Variants in RPS6KC1 observed in about 807,000 individuals in gnomAD.
The protein encoded by RPS6KC1 is inactive ribosomal protein S6 kinase delta-1.
Under a neutral mutation model 103.8 loss-of-function variants are expected in RPS6KC1, and 54 were observed. The ratio of observed to expected loss-of-function variants is 0.52; its 90% confidence interval spans 0.42 to 0.65. The LOEUF (loss-of-function observed/expected upper bound fraction) is 0.65, where lower values mean the gene tolerates loss of function less well. Ranked by LOEUF, RPS6KC1 falls within the 30% of genes least tolerant of loss-of-function variation. The pLI is 0.00. For synonymous variants in RPS6KC1, 439 were observed against 438.7 expected (o/e 1.00, Z -0.01); for missense variants, 1,151 against 1,253.8 (o/e 0.92, Z 1.24).
intron 8 of RPS6KC1, among the ~76,000 whole-genome samples, chr1:213,229,372 G>A (rs1270559793): frequency 6.6e-6 from 1 of 150,768 alleles, no homozygotes; most frequent in Non-Finnish European, 1.5e-5. Context: ...ACCCAGTGGT[G>A]GGCTGGTAAA....
At chr1:213,289,941 A>C in the RPS6KC1 span, among the ~76,000 whole-genome samples, 16 of 152,048 alleles carry the variant, frequency 1.1e-4, no homozygotes, top group Middle Eastern at 3.2e-3. Flanking sequence ...CGGGAGGCTG[A>C]GGCAGGAGAA....
At chr1:213,147,886 T>C (rs996479777) in intron 6 of RPS6KC1, among the ~76,000 whole-genome samples, 21 of 152,336 alleles carry the variant, frequency 1.4e-4, no homozygotes, top group African/African-American at 5.0e-4. Context: ...CAGTGTTTTA[T>C]AGTTTTCATT....
the RPS6KC1 span, among the ~76,000 whole-genome samples, chr1:213,456,045 G>A: frequency 0.39 from 59,400 of 151,886 alleles, 13,500 homozygotes; most frequent in East Asian, 0.57. Context: ...CACCTGCTTC[G>A]GTGAACCCAG....
chr1:213,253,551 A>G (rs2149039548), intron 12 of RPS6KC1, among the ~76,000 whole-genome samples: 1 of 152,296 alleles, frequency 6.6e-6, no homozygotes, highest in East Asian at 1.9e-4. Flanking sequence ...TAGTTTTCTC[A>G]ATTTTCGATT....
At chr1:213,203,734 A>C (rs548641847) in intron 8 of RPS6KC1, among the ~76,000 whole-genome samples, 1 of 152,252 alleles carries the variant, frequency 6.6e-6, no homozygotes, top group Admixed American at 6.5e-5. Context: ...CCTACTGAGA[A>C]TTATTTTTAC....
chr1:213,630,532 C>A, the RPS6KC1 span, among the ~76,000 whole-genome samples: 1 of 152,098 alleles, frequency 6.6e-6, no homozygotes, highest in African/African-American at 2.4e-5. Flanking sequence ...GAACTTCCTC[C>A]TTTAGCTCGG....
chr1:213,607,787 C>T, the RPS6KC1 span, among the ~76,000 whole-genome samples: 13 of 151,532 alleles, frequency 8.6e-5, no homozygotes, highest in African/African-American at 1.9e-4. Context: ...GTGTTGAGTG[C>T]GTGTTGGGGA....
At chr1:213,682,136 T>C in the RPS6KC1 span, among the ~76,000 whole-genome samples, 2 of 152,210 alleles carry the variant, frequency 1.3e-5, no homozygotes, top group Non-Finnish European at 2.9e-5. Flanking sequence ...AACGCCTCAG[T>C]GAACACTTCA....
the RPS6KC1 span, among the ~76,000 whole-genome samples, chr1:213,434,882 G>A: frequency 6.6e-6 from 1 of 151,676 alleles, no homozygotes; most frequent in Admixed American, 6.6e-5. Flanking sequence ...GTTTCTTTTT[G>A]TGGGGCTAGT....
intron 6 of RPS6KC1, among the ~76,000 whole-genome samples, chr1:213,131,154 C>T (rs1042024594): frequency 2.0e-5 from 3 of 151,920 alleles, no homozygotes; most frequent in Admixed American, 6.6e-5. Context: ...GATCAAACAG[C>T]GATTAATGTT....
intron 8 of RPS6KC1, among the ~76,000 whole-genome samples, chr1:213,223,020 G>T (rs1226934796): frequency 2.6e-5 from 4 of 152,082 alleles, no homozygotes; most frequent in Non-Finnish European, 4.4e-5. Context: ...TTGCAAAATC[G>T]GTCTAGTACT....
chr1:213,419,505 A>G, the RPS6KC1 span, among the ~76,000 whole-genome samples: 1 of 152,200 alleles, frequency 6.6e-6, no homozygotes, highest in African/African-American at 2.4e-5. Context: ...TGAGAGGCAG[A>G]GAGGTTAAGT....
At chr1:213,523,674 A>T in the RPS6KC1 span, among the ~76,000 whole-genome samples, 1 of 152,120 alleles carries the variant, frequency 6.6e-6, no homozygotes, top group Non-Finnish European at 1.5e-5. Flanking sequence ...TTGGTTTCAA[A>T]GTTTAGTGGG....
chr1:213,273,911 A>G lies in RPS6KC1; in HGVS notation c.*1277A>G, dbSNP rs1388187853. 1 of 152,084 alleles carries G rather than the reference A, an allele frequency of 6.6e-6. No homozygotes were observed. Among genetic ancestry groups the G allele is most frequent in the Non-Finnish European group, 1.5e-5 (1 of 68,020 alleles). 9.4% of individuals were successfully genotyped at this position (152,084 alleles called of 1,614,324 possible). ...CCACCAGAAATAATTGAAATTTTTG[A>G]TATGTTCTAATCTTCTTTGCATTTT... On this transcript the variant is annotated 3_prime_UTR_variant, in exon 15 of 15. Coordinates refer to ENST00000366960, the MANE Select transcript of RPS6KC1 (RefSeq NM_012424.6).
At chr1:213,438,993 A>C in the RPS6KC1 span, among the ~76,000 whole-genome samples, 1 of 151,818 alleles carries the variant, frequency 6.6e-6, no homozygotes, top group Non-Finnish European at 1.5e-5. Context: ...ACGGGGTTTC[A>C]CCATGTTAGC....
At chr1:213,301,274 G>A in the RPS6KC1 span, among the ~76,000 whole-genome samples, 1 of 152,222 alleles carries the variant, frequency 6.6e-6, no homozygotes, top group Admixed American at 6.5e-5. Context: ...CCCACCAGAA[G>A]GAATGTCAAG....
At chr1:213,778,926 G>T in the RPS6KC1 span, among the ~76,000 whole-genome samples, 1 of 152,066 alleles carries the variant, frequency 6.6e-6, no homozygotes, top group African/African-American at 2.4e-5. Flanking sequence ...ACTTTGTTAA[G>T]GGCTCCTGAG....
At chr1:213,244,135 A>G (rs2094413180) in intron 12 of RPS6KC1, among the ~76,000 whole-genome samples, 1 of 151,914 alleles carries the variant, frequency 6.6e-6, no homozygotes, top group Non-Finnish European at 1.5e-5. Context: ...TATGTTTTGA[A>G]ATCATGTTAG....
chr1:213,498,743 C>A, the RPS6KC1 span, among the ~76,000 whole-genome samples: 1 of 148,456 alleles, frequency 6.7e-6, no homozygotes, highest in Non-Finnish European at 1.5e-5. Flanking sequence ...CATGAGCCAC[C>A]GTGCCCGGCC....
Sources: gnomAD v4.1 joint callset for allele counts (sites outside exome capture counted in the v4.1 genomes callset) on GRCh38, gnomAD v4.1.1 for gene constraint, MANE v1.5 for transcripts, NCBI Gene and HGNC (gene_info 2026-07-23, HGNC 2026-07-21) for gene names.